PDE11A: variants seen among roughly 807,000 people sequenced by gnomAD.
The protein encoded by PDE11A is phosphodiesterase 11A.
PDE11A carries 100 observed loss-of-function variants against 100.5 expected under a neutral mutation model. The observed-to-expected ratio is 1.00, with a 90% CI of 0.85 to 1.18. The LOEUF is 1.18. Among genes scored for constraint, PDE11A ranks in the 50% most tolerant of loss-of-function variants. PDE11A has a pLI of 0.00. For synonymous variants in PDE11A, 381 were observed against 420.8 expected, an observed-to-expected ratio of 0.91 and a Z score of 1.16; for missense variants, 1,141 against 1,152.6, an observed-to-expected ratio of 0.99 and a Z score of 0.15.
chr2:177,715,326 C>G (rs1322591399), intron 12 of PDE11A, among the ~76,000 whole-genome samples: 2 of 152,098 alleles, frequency 1.3e-5, no homozygotes, highest in Non-Finnish European at 2.9e-5. Flanking sequence ...TTTAGAATTT[C>G]CTCTTTATTT....
intron 1 of PDE11A, among the ~76,000 whole-genome samples, chr2:178,047,759 G>C (rs2086770080): frequency 6.6e-6 from 1 of 152,090 alleles, no homozygotes; most frequent in African/African-American, 2.4e-5. Context: ...TCTCCTCTGT[G>C]TTTTCATAAT....
chr2:177,786,483 C>T (rs1232631020), intron 9 of PDE11A, among the ~76,000 whole-genome samples: 4 of 152,088 alleles, frequency 2.6e-5, no homozygotes, highest in Non-Finnish European at 5.9e-5. Flanking sequence ...CAGAGCGCCT[C>T]TCCTCCTCCA....
At chr2:177,964,525 C>A (rs1419978354) in intron 2 of PDE11A, among the ~76,000 whole-genome samples, 2 of 152,046 alleles carry the variant, frequency 1.3e-5, no homozygotes, top group Non-Finnish European at 2.9e-5. Context: ...GTTTTTTGAT[C>A]TTCACCCTCT....
chr2:177,851,068 T>C (rs1318210259), intron 5 of PDE11A, among the ~76,000 whole-genome samples: 5 of 152,182 alleles, frequency 3.3e-5, no homozygotes, highest in Admixed American at 3.3e-4. Context: ...ATCATGGTGC[T>C]ATAAAGACAC....
chr2:178,033,813 G>A (rs938055742), intron 1 of PDE11A, among the ~76,000 whole-genome samples: 3 of 152,060 alleles, frequency 2.0e-5, no homozygotes, highest in African/African-American at 7.2e-5. Flanking sequence ...AGCTTCATAA[G>A]GAGAAATAAA....
chr2:177,649,006 A>T (rs1431063151), intron 19 of PDE11A, among the ~76,000 whole-genome samples: 1 of 152,198 alleles, frequency 6.6e-6, no homozygotes, highest in Non-Finnish European at 1.5e-5. Flanking sequence ...AAGTAAATAA[A>T]TCTATACTAA....
rs192419268 is a variant in PDE11A at position 178,062,379 on chromosome 2, G to A, written c.912+9147C>T. On this transcript the variant is annotated intron_variant, in intron 1 of 19. Transcript: ENST00000286063. ...GAAGCTACCTTAGCAGTTGCACAGAGTAACAGAGTGTGCACCCTCTCACTT... is the reference window on the plus strand; with the variant it reads ...GAAGCTACCTTAGCAGTTGCACAGAATAACAGAGTGTGCACCCTCTCACTT... 3.9e-3 allele frequency among the ~76,000 whole-genome samples: 597 copies of A among 151,374 alleles called. 8 individuals carry two copies. Among genetic ancestry groups the A allele is most frequent in the African/African-American group, 0.013 (555 of 41,242 alleles).
upstream of PDE11A, among the ~76,000 whole-genome samples, chr2:178,073,448 T>G (rs144650108): frequency 6.6e-6 from 1 of 151,890 alleles, no homozygotes; most frequent in Non-Finnish European, 1.5e-5. Context: ...GTTTACCAGG[T>G]AGAGGAAGTA....
In PDE11A at chr2:178,001,311, T is replaced by TGTGTGTGTGG. The variant is rs59287027; in HGVS notation, c.1071+12990_1071+12991insCCACACACAC. Among the ~76,000 whole-genome samples the TGTGTGTGTGG allele has an allele frequency of 9.2e-3, 1,359 of 148,102 alleles. 14 individuals carry two copies. The highest frequency in any genetic ancestry group is 0.015 in the Non-Finnish European group (1,020 of 66,764). ...GTGTGTGTGTGTGTGTGTGTGTGTG[T>TGTGTGTGTGG]AGTAGGTTTAATATGCCATCAAGGA... On this transcript the variant is annotated intron_variant, in intron 2 of 19. Transcript: ENST00000286063.
chr2:177,689,098 T>C (rs2081001658), intron 15 of PDE11A, among the ~76,000 whole-genome samples: 2 of 152,176 alleles, frequency 1.3e-5, no homozygotes, highest in African/African-American at 4.8e-5. Context: ...GTTTTTTTAT[T>C]TGAGATGGAG....
chr2:177,849,275 T>C (rs1345416066), intron 5 of PDE11A, among the ~76,000 whole-genome samples: 1 of 152,200 alleles, frequency 6.6e-6, no homozygotes, highest in Non-Finnish European at 1.5e-5. Context: ...ACAATAGTGA[T>C]ACTGAATTGT....
intron 2 of PDE11A, among the ~76,000 whole-genome samples, chr2:177,990,599 A>T (rs749441411): frequency 3.4e-4 from 51 of 151,950 alleles, no homozygotes; most frequent in Non-Finnish European, 1.5e-5. Flanking sequence ...TTAGCTGGGT[A>T]TGGTAGGGTG....
chr2:178,058,352 G>A (rs574089115), intron 1 of PDE11A, among the ~76,000 whole-genome samples: 2 of 152,344 alleles, frequency 1.3e-5, no homozygotes, highest in South Asian at 4.1e-4. Flanking sequence ...CTGGTGGGAG[G>A]TGATTGAATT....
chr2:177,642,956 T>C (rs971318086), intron 19 of PDE11A, among the ~76,000 whole-genome samples: 6 of 152,226 alleles, frequency 3.9e-5, no homozygotes, highest in Non-Finnish European at 7.3e-5. Flanking sequence ...TCTCTTTGCC[T>C]GCTGCCATCC....
intron 1 of PDE11A, among the ~76,000 whole-genome samples, chr2:178,025,434 T>G (rs1007316329): frequency 6.6e-6 from 1 of 152,234 alleles, no homozygotes; most frequent in African/African-American, 2.4e-5. Context: ...GTCACGTTGC[T>G]AAAGTAAACT....
chr2:177,949,797 G>A (rs1351379883), intron 2 of PDE11A, among the ~76,000 whole-genome samples: 1 of 152,178 alleles, frequency 6.6e-6, no homozygotes, highest in Non-Finnish European at 1.5e-5. Context: ...ATTATTCAAA[G>A]ACAGTAGAGT....
intron 9 of PDE11A, among the ~76,000 whole-genome samples, chr2:177,789,545 T>C (rs1193729125): frequency 6.6e-6 from 1 of 151,522 alleles, no homozygotes; most frequent in African/African-American, 2.4e-5. Flanking sequence ...CCAGGACAAT[T>C]AGGCAGAAGA....
At chr2:177,725,472 GTT>G (rs1301741220) in intron 12 of PDE11A, among the ~76,000 whole-genome samples, 6 of 152,028 alleles carry the variant, frequency 3.9e-5, no homozygotes, top group Admixed American at 2.6e-4. Flanking sequence ...TCATGTTTTT[GTT>G]TTGTGATCTC....
chr2:177,646,740 TG>T (rs374017194), intron 19 of PDE11A, among the ~76,000 whole-genome samples: 2 of 152,324 alleles, frequency 1.3e-5, no homozygotes, highest in Non-Finnish European at 2.9e-5. Flanking sequence ...GTGGAGGTCT[TG>T]CTGAGTAAAG....
Sources: gnomAD v4.1 joint callset for allele counts (sites outside exome capture counted in the v4.1 genomes callset) on GRCh38, gnomAD v4.1.1 for gene constraint, MANE v1.5 for transcripts, NCBI Gene and HGNC (gene_info 2026-07-23, HGNC 2026-07-21) for gene names.